The following ERC2 variants were observed in gnomAD, a reference collection of about 807,000 sequenced individuals.
ERC2 encodes the protein ERC protein 2.
A neutral mutation model predicts 114.8 loss-of-function variants in ERC2; 42 were observed. The observed-to-expected ratio is 0.37, with a 90% confidence interval of 0.29 to 0.47. ERC2 has a LOEUF of 0.47. Ranked by LOEUF, ERC2 falls within the 20% of genes least tolerant of loss-of-function variation. ERC2 has a pLI of 0.99. For synonymous variants in ERC2, 454 were observed against 425.5 expected, an observed-to-expected ratio of 1.07 and a Z score of -0.82; for missense variants, 939 against 1,150.7, an observed-to-expected ratio of 0.82 and a Z score of 2.66.
At chr3:55,792,198 C>T in intron 14 of ERC2, among the ~76,000 whole-genome samples, 1 of 152,172 alleles carries the variant, frequency 6.6e-6, no homozygotes, top group East Asian at 1.9e-4. Context: ...ATTTCACCAG[C>T]TCCCCTTTGC....
chr3:55,938,818 T>C (rs2066607115), intron 13 of ERC2, among the ~76,000 whole-genome samples: 2 of 152,174 alleles, frequency 1.3e-5, no homozygotes, highest in Admixed American at 1.3e-4. Context: ...ATATTCCATA[T>C]TGCCTTAGCA....
chr3:55,880,092 A>T lies in ERC2; in HGVS notation c.2564+8297T>A, dbSNP rs186417736. ...ATGGATGGGATGTGTAACTTAAAGG[A>T]CAGGGAGGTTTCTTTCTCGTGCCTC... On this transcript the variant is annotated intron_variant, in intron 14 of 17. Transcript: ENST00000288221. Among the ~76,000 whole-genome samples, 6 of 152,350 alleles carry T rather than the reference A, an allele frequency of 3.9e-5. No homozygotes were observed. In the East Asian group the frequency reaches 1.2e-3, roughly 29 times the overall value.
At chr3:56,326,799 G>A (rs2057381682) in intron 2 of ERC2, among the ~76,000 whole-genome samples, 1 of 152,122 alleles carries the variant, frequency 6.6e-6, no homozygotes, top group South Asian at 2.1e-4. Flanking sequence ...GCTGTGCCAG[G>A]CCATGGTTAG....
intron 16 of ERC2, among the ~76,000 whole-genome samples, chr3:55,686,146 A>G (rs2062321172): frequency 6.6e-6 from 1 of 152,192 alleles, no homozygotes; most frequent in South Asian, 2.1e-4. Flanking sequence ...CGTCCACCAT[A>G]GGAATAAAAA....
intron 5 of ERC2, among the ~76,000 whole-genome samples, chr3:56,146,921 T>C (rs2081174996): frequency 6.6e-6 from 1 of 152,208 alleles, no homozygotes. Flanking sequence ...AACTCAAGGA[T>C]TGATGGTCTC....
intron 2 of ERC2, among the ~76,000 whole-genome samples, chr3:56,357,488 C>T (rs1283184457): frequency 3.3e-5 from 5 of 152,096 alleles, no homozygotes; most frequent in African/African-American, 1.2e-4. Flanking sequence ...AGGCTGACTA[C>T]AGCTGGAGCT....
rs573448262 is a variant in ERC2, at chr3:55,737,585, A to G, written c.2565-2667T>C. On this transcript the variant is annotated intron_variant, in intron 14 of 17. Coordinates refer to ENST00000288221, the MANE Select transcript of ERC2 (RefSeq NM_015576.3). ...AAGTGAAGCTTTTTTAATGAAAACAAACTAAAGGACCGATATTAGGAAAAT... is the reference window on the plus strand; with the variant it reads ...AAGTGAAGCTTTTTTAATGAAAACAGACTAAAGGACCGATATTAGGAAAAT... Among the ~76,000 whole-genome samples the G allele has an allele frequency of 1.1e-4, 16 of 152,316 alleles. No individual in the cohort carries two copies. In the East Asian group the frequency reaches 3.1e-3, roughly 29 times the overall value.
intron 14 of ERC2, among the ~76,000 whole-genome samples, chr3:55,834,038 TCAA>T (rs2060750892): frequency 6.6e-6 from 1 of 151,342 alleles, no homozygotes; most frequent in Admixed American, 6.6e-5. Context: ...GGTAAAGGGA[TCAA>T]TTCAACAAGA....
intron 16 of ERC2, among the ~76,000 whole-genome samples, chr3:55,694,245 G>A (rs1338871285): frequency 6.6e-6 from 1 of 152,132 alleles, no homozygotes; most frequent in Non-Finnish European, 1.5e-5. Context: ...TGTGACTCTG[G>A]ATCATTAACA....
At chr3:55,615,826 T>G (rs1384278967) in intron 17 of ERC2, among the ~76,000 whole-genome samples, 1 of 152,136 alleles carries the variant, frequency 6.6e-6, no homozygotes, top group East Asian at 1.9e-4. Flanking sequence ...AGCAGGAACT[T>G]CAAAAGACCT....
At chr3:55,877,557 G>A (rs1379354953) in intron 14 of ERC2, among the ~76,000 whole-genome samples, 1 of 149,152 alleles carries the variant, frequency 6.7e-6, no homozygotes, top group Non-Finnish European at 1.5e-5. Flanking sequence ...TGTCACTCAG[G>A]CAGGAGTGCA....
At chr3:55,923,671 C>T (rs1043488575) in intron 13 of ERC2, among the ~76,000 whole-genome samples, 1 of 152,120 alleles carries the variant, frequency 6.6e-6, no homozygotes, top group African/African-American at 2.4e-5. Context: ...GTTGTAGAGG[C>T]TCTCCTCTTA....
intron 17 of ERC2, among the ~76,000 whole-genome samples, chr3:55,526,419 G>A (rs1022913044): frequency 6.6e-6 from 1 of 152,074 alleles, no homozygotes; most frequent in Non-Finnish European, 1.5e-5. Flanking sequence ...AAACCATGGG[G>A]GTCCATTTGG....
intron 6 of ERC2, among the ~76,000 whole-genome samples, chr3:56,138,477 G>A (rs1391347940): frequency 2.0e-5 from 3 of 152,238 alleles, no homozygotes; most frequent in African/African-American, 7.2e-5. Flanking sequence ...TAGGGGCTGA[G>A]TCAGGTTCAT....
intron 2 of ERC2, among the ~76,000 whole-genome samples, chr3:56,400,684 T>A (rs536558389): frequency 6.6e-6 from 1 of 152,294 alleles, no homozygotes; most frequent in Non-Finnish European, 1.5e-5. Flanking sequence ...AAAAACCAAT[T>A]ACTATTTTCC....
chr3:56,143,706 C>T (rs2080992917), intron 5 of ERC2, among the ~76,000 whole-genome samples: 1 of 152,156 alleles, frequency 6.6e-6, no homozygotes, highest in African/African-American at 2.4e-5. Flanking sequence ...ACATACATAA[C>T]CCATGCTCTA....
chr3:56,083,149 C>A (rs1330136924), intron 6 of ERC2, among the ~76,000 whole-genome samples: 2 of 152,138 alleles, frequency 1.3e-5, no homozygotes, highest in Non-Finnish European at 2.9e-5. Context: ...CAGGAAACAA[C>A]ACAAATGTCT....
At chr3:56,144,368 C>T (rs751444680) in intron 5 of ERC2, among the ~76,000 whole-genome samples, 1 of 152,164 alleles carries the variant, frequency 6.6e-6, no homozygotes, top group Non-Finnish European at 1.5e-5. Context: ...TTATGATCAA[C>T]ACTCTTCTCA....
intron 2 of ERC2, among the ~76,000 whole-genome samples, chr3:56,401,630 G>T (rs928537902): frequency 6.6e-6 from 1 of 152,086 alleles, no homozygotes; most frequent in African/African-American, 2.4e-5. Flanking sequence ...CATTTATTCT[G>T]CAGAATTTAT....
Sources: gnomAD v4.1 joint callset for allele counts (sites outside exome capture counted in the v4.1 genomes callset) on GRCh38, gnomAD v4.1.1 for gene constraint, MANE v1.5 for transcripts, NCBI Gene and HGNC (gene_info 2026-07-23, HGNC 2026-07-21) for gene names.